ZNF273: variants seen among roughly 807,000 people sequenced by gnomAD.
The protein encoded by ZNF273 is zinc finger protein 9.
Under a neutral mutation model 14.9 loss-of-function variants are expected in ZNF273, and 11 were observed. The ratio of observed to expected loss-of-function variants is 0.74; its 90% confidence interval spans 0.46 to 1.22. The LOEUF is 1.22. ZNF273 is among the 50% of genes most tolerant of loss of function. ZNF273 has a pLI of 0.00. For missense variants in ZNF273, 577 were observed against 660.6 expected (o/e 0.87, Z 1.39); for synonymous variants, 199 against 223.9 (o/e 0.89, Z 0.99).
At chr7:64,903,445 G>A in intron 1 of ZNF273, 26 bp downstream of exon 1, 2 of 1,590,356 alleles carry the variant, frequency 1.3e-6, no homozygotes, top group Non-Finnish European at 1.7e-6. Flanking sequence ...CCCAGATCCC[G>A]AGAGAGGGGG....
chr7:64,881,798 T>TG (rs1791263671), downstream of ZNF273, among the ~76,000 whole-genome samples: 1 of 152,174 alleles, frequency 6.6e-6, no homozygotes, highest in South Asian at 2.1e-4. Flanking sequence ...CAAGGATCCG[T>TG]GAGCTTGACT....
downstream of ZNF273, chr7:64,889,863 C>G: frequency 1.4e-6 from 1 of 704,702 alleles, no homozygotes; most frequent in Non-Finnish European, 1.7e-6. This position sits in a 1 kb window ranked among gnomAD's most constrained non-coding sequence, Gnocchi z 4.2. Flanking sequence ...CGCCTGCTGC[C>G]TCTATGTCGG....
At chr7:64,912,733 T>A (rs1286811051) in intron 1 of ZNF273, among the ~76,000 whole-genome samples, 1 of 151,968 alleles carries the variant, frequency 6.6e-6, no homozygotes, top group African/African-American at 2.4e-5. Context: ...TTAGATTATA[T>A]GTAGATATTT....
chr7:64,921,570 CA>C (rs1794448317), intron 3 of ZNF273, among the ~76,000 whole-genome samples: 1 of 135,248 alleles, frequency 7.4e-6, no homozygotes, highest in Non-Finnish European at 1.6e-5. Context: ...CCTATTTTAC[CA>C]TTATATAATA....
downstream of ZNF273, among the ~76,000 whole-genome samples, chr7:64,934,081 G>A (rs1795041451): frequency 6.6e-6 from 1 of 152,136 alleles, no homozygotes; most frequent in Non-Finnish European, 1.5e-5. Flanking sequence ...TTTTAGTAGA[G>A]ATGGGGTTTC....
At chr7:64,936,352 G>A in the ZNF273 span, among the ~76,000 whole-genome samples, 1 of 152,160 alleles carries the variant, frequency 6.6e-6, no homozygotes, top group Admixed American at 6.5e-5. Flanking sequence ...GGTGCATGTG[G>A]ACAGCATTTC....
chr7:64,900,118 C>CTTTTTTTTTTT (rs373187103), upstream of ZNF273, among the ~76,000 whole-genome samples: 1 of 143,814 alleles, frequency 7.0e-6, no homozygotes. Context: ...TTTTCTCTCT[C>CTTTTTTTTTTT]TTTTTTTTTT....
Position 64,885,135 on chromosome 7 carries a change from G to A in ZNF273, n.273+2350G>A, listed in dbSNP as rs575707444. 5.3e-5 allele frequency among the ~76,000 whole-genome samples: 8 copies of A among 152,342 alleles called. No homozygotes were observed. The East Asian group carries it at 5.8e-4, about 11-fold the overall frequency. On this transcript the variant is annotated intron_variant and non_coding_transcript_variant, in intron 1 of 1. Coordinates refer to the ZNF273 transcript ENST00000471926. The stretch of plus-strand genomic sequence containing the variant: ...CAGGGGACCTTTGTGGACACGTGTC[G>A]GCGTTGGACTCTTGCTCCTCTTCTC...
chr7:64,916,198 G>T (rs1169207455), intron 1 of ZNF273, among the ~76,000 whole-genome samples: 1 of 151,586 alleles, frequency 6.6e-6, no homozygotes, highest in African/African-American at 2.4e-5. Flanking sequence ...ATTATTAGGA[G>T]AAAACTGCTC....
intron 1 of ZNF273, among the ~76,000 whole-genome samples, chr7:64,888,050 A>T (rs1032128751): frequency 2.0e-5 from 3 of 152,176 alleles, no homozygotes; most frequent in Non-Finnish European, 4.4e-5. Flanking sequence ...GCTGGCACTC[A>T]GGCAGGACCT....
the ZNF273 span, among the ~76,000 whole-genome samples, chr7:64,936,728 G>T: frequency 6.6e-6 from 1 of 152,150 alleles, no homozygotes; most frequent in Non-Finnish European, 1.5e-5. Flanking sequence ...GGGAAAAATA[G>T]AAAACCGGTA....
At chr7:64,932,223 G>GT (rs1554392265), downstream of ZNF273, among the ~76,000 whole-genome samples, 2 of 28,790 alleles carry the variant, frequency 6.9e-5, no homozygotes, top group Non-Finnish European at 1.4e-4. Flanking sequence ...TTAACTGTTT[G>GT]TAAAAAAAAA....
At chr7:64,882,716 A>T (rs909844974), downstream of ZNF273, 1 of 152,550 alleles carries the variant, frequency 6.6e-6, no homozygotes, top group Non-Finnish European at 1.5e-5. Flanking sequence ...AGGCCCAGGG[A>T]TACACCGCGA....
Position 64,914,350 on chromosome 7 carries a change from T to TAA in ZNF273, c.103-3220_103-3219dup, listed in dbSNP as rs71567879. On this transcript the variant is annotated intron_variant, in intron 1 of 3. Coordinates refer to ENST00000476120, the MANE Select transcript of ZNF273 (RefSeq NM_021148.3). ...CCACACCTGGACTGTTTCTGCTATT[T>TAA]AAAAAAAAAAAACACTATTATTATT... Among the ~76,000 whole-genome samples the TAA allele has an allele frequency of 3.8e-3, 550 of 143,428 alleles. 2 individuals are homozygous for TAA. The highest frequency in any genetic ancestry group is 6.0e-3 in the Non-Finnish European group (396 of 65,750). The allele number at this position is 143,428 out of a possible 152,430, so 94.1% of individuals were successfully genotyped here. A position where few individuals can be genotyped will look rare whatever the true frequency, so the allele number is the denominator to read the frequency against.
chr7:64,924,884 C>G (rs1794703169), intron 3 of ZNF273, among the ~76,000 whole-genome samples: 1 of 151,794 alleles, frequency 6.6e-6, no homozygotes, highest in African/African-American at 2.4e-5. Context: ...CTCACTGCAA[C>G]TTCCGCCTCC....
intron 1 of ZNF273, among the ~76,000 whole-genome samples, chr7:64,909,068 C>T (rs1793303985): frequency 6.6e-6 from 1 of 152,060 alleles, no homozygotes; most frequent in South Asian, 2.1e-4. Flanking sequence ...TGCCACCACA[C>T]CTAGCTAGTT....
chr7:64,889,856 C>T (rs912884998), downstream of ZNF273: 1 of 749,898 alleles, frequency 1.3e-6, no homozygotes, highest in Non-Finnish European at 1.6e-6. The surrounding 1 kb of genome is among the most constrained non-coding windows in gnomAD (Gnocchi z 4.2). Flanking sequence ...TGTTTGTCGC[C>T]TGCTGCCTCT....
chr7:64,891,042 A>G (rs1352518469), downstream of ZNF273, among the ~76,000 whole-genome samples: 3 of 152,224 alleles, frequency 2.0e-5, no homozygotes, highest in African/African-American at 7.2e-5. Flanking sequence ...ATTGCTCAAA[A>G]TAGAGCCTCC....
At chr7:64,924,156 GT>G (rs1794659507) in intron 3 of ZNF273, 1 of 150,352 alleles carries the variant, frequency 6.7e-6, no homozygotes, top group South Asian at 2.1e-4. Context: ...TTTTAATATT[GT>G]TTTATATTGT....
Sources: gnomAD v4.1 joint callset for allele counts (sites outside exome capture counted in the v4.1 genomes callset) on GRCh38, gnomAD v4.1.1 for gene constraint, Gnocchi (gnomAD v3.1) non-coding constraint, MANE v1.5 for transcripts, NCBI Gene and HGNC (gene_info 2026-07-23, HGNC 2026-07-21) for gene names.